Variants in RASGEF1C observed in about 807,000 individuals in gnomAD.
The protein encoded by RASGEF1C is RasGEF domain family member 1C, also known as ras-GEF domain-containing family member 1C.
A neutral mutation model predicts 58.1 loss-of-function variants in RASGEF1C; 27 were observed. That is an observed-to-expected ratio of 0.46 (90% CI 0.34 to 0.64). The LOEUF is 0.64. RASGEF1C is among the 30% of genes least tolerant of loss of function. The probability of loss-of-function intolerance (pLI) is 0.01; values close to 1 mark genes in which losing one functional copy is unlikely to be tolerated. For missense variants in RASGEF1C, 502 were observed against 605.1 expected (o/e 0.83, Z 1.79); for synonymous variants, 243 against 246.3 (o/e 0.99, Z 0.13).
chr5:180,147,342 G>A (rs974790668), intron 1 of RASGEF1C, among the ~76,000 whole-genome samples: 7 of 151,118 alleles, frequency 4.6e-5, no homozygotes, highest in Admixed American at 1.3e-4. Context: ...CCTTCTGCTA[G>A]CTTTGGGTTT....
At chr5:180,190,557 T>G (rs1756145907) in intron 1 of RASGEF1C, among the ~76,000 whole-genome samples, 1 of 130,570 alleles carries the variant, frequency 7.7e-6, no homozygotes, top group Admixed American at 7.3e-5. Context: ...TACATGCCTG[T>G]GGCCCCAACT....
At chr5:180,145,639 C>G (rs984066806) in intron 1 of RASGEF1C, among the ~76,000 whole-genome samples, 2 of 152,070 alleles carry the variant, frequency 1.3e-5, no homozygotes, top group Non-Finnish European at 2.9e-5. Context: ...AATGCCTGTT[C>G]AAGACTTTTC....
At chr5:180,145,006 T>C (rs572294288) in intron 1 of RASGEF1C, among the ~76,000 whole-genome samples, 1 of 152,234 alleles carries the variant, frequency 6.6e-6, no homozygotes, top group Admixed American at 6.5e-5. Context: ...TGAATACTGT[T>C]CCACTGCATG....
chr5:180,194,458 C>T (rs1756229135), intron 1 of RASGEF1C, among the ~76,000 whole-genome samples: 2 of 152,238 alleles, frequency 1.3e-5, no homozygotes, highest in African/African-American at 4.8e-5. Context: ...CATGCGGAAG[C>T]ATCTGCGCAA....
chr5:180,170,608 T>G (rs1483205673), intron 1 of RASGEF1C, among the ~76,000 whole-genome samples: 1 of 152,126 alleles, frequency 6.6e-6, no homozygotes, highest in Non-Finnish European at 1.5e-5. Flanking sequence ...CCTGCCAAAG[T>G]CACCATCTGG....
chr5:180,124,508 A>G (rs1029287228), intron 6 of RASGEF1C, among the ~76,000 whole-genome samples: 3 of 152,218 alleles, frequency 2.0e-5, no homozygotes, highest in African/African-American at 4.8e-5. Flanking sequence ...TTTATCTCAG[A>G]AATGCAAAGT....
At chr5:180,130,247 C>T (rs930781089) in intron 4 of RASGEF1C, among the ~76,000 whole-genome samples, 1 of 152,220 alleles carries the variant, frequency 6.6e-6, no homozygotes. Context: ...CTAGGCTCCA[C>T]GCTGGGTAAT....
chr5:180,137,552 G>C lies in RASGEF1C; in HGVS notation c.300+38C>G. 1 of 1,594,534 alleles carries C rather than the reference G, an allele frequency of 6.3e-7. No individual in the cohort carries two copies. The highest frequency in any genetic ancestry group is 8.5e-7 in the Non-Finnish European group (1 of 1,172,634). ...TTGAGGGCATGGCAGGGCAGTGCTGGTACACTCTGAGACCCCCTGGCCTGC... is the reference window on the plus strand; with the variant it reads ...TTGAGGGCATGGCAGGGCAGTGCTGCTACACTCTGAGACCCCCTGGCCTGC... On this transcript the variant is annotated intron_variant, in intron 3 of 13. Coordinates refer to ENST00000361132, the MANE Select transcript of RASGEF1C (RefSeq NM_175062.4). The surrounding 1 kb of genome is among the most constrained non-coding windows in gnomAD (Gnocchi z 4.1).
chr5:180,168,374 C>T lies in RASGEF1C; in HGVS notation c.-6-30316G>A, dbSNP rs1767052713. Among the ~76,000 whole-genome samples the T allele has an allele frequency of 6.6e-6, 1 of 151,982 alleles. No homozygotes were observed. The highest frequency in any genetic ancestry group is 2.4e-5 in the African/African-American group (1 of 41,358). On this transcript the variant is annotated intron_variant, in intron 1 of 13. Transcript: ENST00000361132. The surrounding 1 kb of genome is among the most constrained non-coding windows in gnomAD (Gnocchi z 6.0). The stretch of plus-strand genomic sequence containing the variant: ...CTTGAACCCGGGAGGTGGCGGTTGC[C>T]ATGAGCCGAGATGGCGCCACTGCAC...
chr5:180,191,804 G>C (rs1756168446), intron 1 of RASGEF1C, among the ~76,000 whole-genome samples: 1 of 152,174 alleles, frequency 6.6e-6, no homozygotes, highest in African/African-American at 2.4e-5. Context: ...CCATCTCCTA[G>C]TTCCTAAGGC....
chr5:180,124,090 C>T (rs1229541359), intron 6 of RASGEF1C, among the ~76,000 whole-genome samples: 1 of 152,024 alleles, frequency 6.6e-6, no homozygotes, highest in Non-Finnish European at 1.5e-5. Flanking sequence ...AACCTTGAAT[C>T]AGTACACGAA....
intron 1 of RASGEF1C, among the ~76,000 whole-genome samples, chr5:180,186,094 C>A (rs1756030515): frequency 8.8e-6 from 1 of 114,212 alleles, no homozygotes; most frequent in East Asian, 2.5e-4. Context: ...CAGGCCCTAT[C>A]TCCACAGAAA....
chr5:180,162,160 C>T (rs1208468396), intron 1 of RASGEF1C, among the ~76,000 whole-genome samples: 1 of 152,212 alleles, frequency 6.6e-6, no homozygotes, highest in African/African-American at 2.4e-5. Flanking sequence ...GGTGTGAGCA[C>T]TGTCTGAAGC....
At chr5:180,104,226 C>A (rs557378163) in intron 12 of RASGEF1C, among the ~76,000 whole-genome samples, 2 of 152,192 alleles carry the variant, frequency 1.3e-5, no homozygotes, top group East Asian at 3.9e-4. Context: ...GAAACATAAT[C>A]CCGAATGCAA....
intron 1 of RASGEF1C, among the ~76,000 whole-genome samples, chr5:180,191,494 C>T (rs1756162364): frequency 6.6e-6 from 1 of 152,128 alleles, no homozygotes; most frequent in Non-Finnish European, 1.5e-5. Flanking sequence ...GTAGCTGGGA[C>T]TACAGGCGCC....
chr5:180,112,296 T>A (rs1009454864), intron 11 of RASGEF1C, among the ~76,000 whole-genome samples: 24 of 152,302 alleles, frequency 1.6e-4, no homozygotes, highest in African/African-American at 5.8e-4. Context: ...TGAGGCAGCC[T>A]GGGACCCTCT....
intron 1 of RASGEF1C, among the ~76,000 whole-genome samples, chr5:180,152,148 G>C (rs1469873097): frequency 6.6e-6 from 1 of 151,972 alleles, no homozygotes; most frequent in African/African-American, 2.4e-5. Flanking sequence ...AACCATTGTG[G>C]AAGTCAGTGT....
In RASGEF1C at chr5:180,209,131, G is replaced by GACCGC. The variant is rs1561762998; in HGVS notation, c.-111_-110insGCGGT. ...GCCGCCCGCCGCCGCCGCCGCCGCC[G>GACCGC]CCGCCGCCGCCGCCGCCGCCCGACC... On this transcript the variant is annotated 5_prime_UTR_variant, in exon 1 of 14. Coordinates refer to ENST00000361132, the MANE Select transcript of RASGEF1C (RefSeq NM_175062.4). 4 of 22,682 alleles carry GACCGC rather than the reference G, an allele frequency of 1.8e-4. No individual in the cohort carries two copies. The highest frequency in any genetic ancestry group is 6.1e-4 in the Admixed American group (1 of 1,628). 1.4% of individuals were successfully genotyped at this position (22,682 alleles called of 1,614,324 possible).
intron 1 of RASGEF1C, among the ~76,000 whole-genome samples, chr5:180,138,623 A>G (rs1766527380): frequency 6.6e-6 from 1 of 152,170 alleles, no homozygotes. Flanking sequence ...AAGCTGCTCC[A>G]TGGACTTCTC....
Sources: allele counts gnomAD v4.1 joint callset (sites outside exome capture counted in the v4.1 genomes callset), GRCh38; gene constraint gnomAD v4.1.1; non-coding constraint Gnocchi (gnomAD v3.1); transcripts MANE v1.5; gene names NCBI Gene and HGNC (gene_info 2026-07-23, HGNC 2026-07-21).